The following ANKS1B variants were observed in gnomAD, a reference collection of about 807,000 sequenced individuals.
ANKS1B encodes ankyrin repeat and sterile alpha motif domain containing 1B, also known as ankyrin repeat and sterile alpha motif domain-containing protein 1B.
A neutral mutation model predicts 148.3 loss-of-function variants in ANKS1B; 36 were observed. That is an observed-to-expected ratio of 0.24 (90% CI 0.19 to 0.32). The LOEUF (loss-of-function observed/expected upper bound fraction) is 0.32. Among genes scored for constraint, ANKS1B ranks in the 10% least tolerant of loss-of-function variants. ANKS1B has a pLI of 1.00. For missense variants in ANKS1B, 1,157 were observed against 1,542.6 expected (o/e 0.75, Z 4.19); for synonymous variants, 542 against 560.8 (o/e 0.97, Z 0.47).
At chr12:99,938,594 G>C (rs191097250) in intron 1 of ANKS1B, among the ~76,000 whole-genome samples, 40 of 152,280 alleles carry the variant, frequency 2.6e-4, no homozygotes, top group Admixed American at 2.2e-3. Context: ...GTAAACTCAA[G>C]TATTCTGAAC....
chr12:98,773,787 C>G (rs1484531481), intron 24 of ANKS1B, among the ~76,000 whole-genome samples: 1 of 152,160 alleles, frequency 6.6e-6, no homozygotes, highest in Non-Finnish European at 1.5e-5. Context: ...AATTACTAAG[C>G]ATTTGACTGT....
intron 9 of ANKS1B, among the ~76,000 whole-genome samples, chr12:99,599,143 A>G (rs1285475715): frequency 6.6e-6 from 1 of 152,030 alleles, no homozygotes; most frequent in Non-Finnish European, 1.5e-5. Flanking sequence ...ATCCAGGACA[A>G]TCTCCCATCT....
chr12:99,832,432 AC>A (rs1259750996), intron 1 of ANKS1B, among the ~76,000 whole-genome samples: 1 of 152,060 alleles, frequency 6.6e-6, no homozygotes, highest in African/African-American at 2.4e-5. Context: ...TACTAAAAAT[AC>A]CAAAAATTAG....
Position 99,779,832 on chromosome 12 carries a change from A to G in ANKS1B, c.847+39T>C, listed in dbSNP as rs747782892. 4.7e-6 allele frequency: 7 copies of G among 1,481,280 alleles called. No individual in the cohort carries two copies. The African/African-American group carries it at 9.7e-5, about 21-fold the overall frequency. The allele number at this position is 1,481,280 out of a possible 1,614,324, so 91.8% of individuals were successfully genotyped here. ...CTGTAACAGTTTTAATCTCATCTTA[A>G]CTTTAAGGCAAACTCATCCATCATT... On this transcript the variant is annotated intron_variant, in intron 6 of 26. Coordinates refer to ENST00000683438, the MANE Select transcript of ANKS1B (RefSeq NM_001352186.2).
At chr12:99,723,660 C>T (rs552329499) in intron 8 of ANKS1B, among the ~76,000 whole-genome samples, 33 of 152,264 alleles carry the variant, frequency 2.2e-4, no homozygotes, top group Middle Eastern at 3.4e-3. Flanking sequence ...CTTCATTAAA[C>T]GGGTCCTGCT....
At chr12:99,285,519 G>T (rs754583049) in intron 12 of ANKS1B, among the ~76,000 whole-genome samples, 1 of 152,158 alleles carries the variant, frequency 6.6e-6, no homozygotes. Flanking sequence ...GAAGCAAAAT[G>T]ACTGAATAGA....
At chr12:99,732,778 T>G (rs983333427) in intron 8 of ANKS1B, among the ~76,000 whole-genome samples, 1 of 152,178 alleles carries the variant, frequency 6.6e-6, no homozygotes, top group African/African-American at 2.4e-5. Flanking sequence ...AGCAATGTAT[T>G]AAATAGTTTA....
At chr12:99,471,590 A>G (rs915193166) in intron 10 of ANKS1B, among the ~76,000 whole-genome samples, 1 of 152,010 alleles carries the variant, frequency 6.6e-6, no homozygotes, top group African/African-American at 2.4e-5. Context: ...TCACTGATCA[A>G]TGTGTCAGTA....
intron 17 of ANKS1B, among the ~76,000 whole-genome samples, chr12:99,049,306 G>GCACA (rs148702495): frequency 1.5e-4 from 22 of 148,356 alleles, no homozygotes; most frequent in Non-Finnish European, 2.5e-4. Context: ...ATGTACACAC[G>GCACA]CACACACACA....
intron 14 of ANKS1B, among the ~76,000 whole-genome samples, chr12:99,189,443 A>G (rs944608936): frequency 6.6e-6 from 1 of 152,222 alleles, no homozygotes; most frequent in African/African-American, 2.4e-5. Flanking sequence ...AAAAATCCTC[A>G]ATAAAACACT....
chr12:99,001,730 T>C (rs1194051190), intron 17 of ANKS1B, among the ~76,000 whole-genome samples: 1 of 152,186 alleles, frequency 6.6e-6, no homozygotes, highest in Non-Finnish European at 1.5e-5. Flanking sequence ...GTAATTATCA[T>C]GCTGTACTAA....
chr12:99,904,398 G>C (rs896800664), intron 1 of ANKS1B, among the ~76,000 whole-genome samples: 3 of 151,870 alleles, frequency 2.0e-5, no homozygotes, highest in African/African-American at 7.3e-5. Context: ...CACCATGTTG[G>C]CCATGCTGGT....
chr12:99,500,757 T>C (rs1479000572), intron 10 of ANKS1B, among the ~76,000 whole-genome samples: 1 of 152,210 alleles, frequency 6.6e-6, no homozygotes, highest in African/African-American at 2.4e-5. Context: ...ACTCTTCACT[T>C]GTCTACCTCT....
At chr12:99,154,184 A>G (rs1384636835) in intron 15 of ANKS1B, 105 bp downstream of exon 15, 1 of 1,413,352 alleles carries the variant, frequency 7.1e-7, no homozygotes, top group African/African-American at 1.4e-5. Context: ...ACATATATAA[A>G]TCTGACCAGT....
At chr12:98,914,118 C>T (rs945940539) in intron 17 of ANKS1B, among the ~76,000 whole-genome samples, 17 of 152,090 alleles carry the variant, frequency 1.1e-4, no homozygotes, top group South Asian at 6.3e-4. Flanking sequence ...TGGATCATGG[C>T]GGCGGATCCC....
intron 15 of ANKS1B, among the ~76,000 whole-genome samples, chr12:99,120,235 T>C (rs977577748): frequency 6.6e-6 from 1 of 152,140 alleles, no homozygotes; most frequent in Non-Finnish European, 1.5e-5. Context: ...AGAAAACCCA[T>C]GCAGTCATGG....
intron 11 of ANKS1B, among the ~76,000 whole-genome samples, chr12:99,411,497 A>G (rs1315557479): frequency 6.6e-6 from 1 of 152,228 alleles, no homozygotes; most frequent in African/African-American, 2.4e-5. Context: ...TATAGTGAAT[A>G]GCACCGCAAT....
chr12:98,765,038 T>C (rs991819635), intron 25 of ANKS1B, among the ~76,000 whole-genome samples: 18 of 152,202 alleles, frequency 1.2e-4, no homozygotes, highest in African/African-American at 4.1e-4. Flanking sequence ...AACAAACATA[T>C]GTCGTGAATC....
chr12:99,342,118 A>G (rs1182259135), intron 12 of ANKS1B, among the ~76,000 whole-genome samples: 1 of 152,100 alleles, frequency 6.6e-6, no homozygotes, highest in East Asian at 1.9e-4. Context: ...ATAGTTCCTG[A>G]TATCATGGAG....
Sources: gnomAD v4.1 joint callset for allele counts (sites outside exome capture counted in the v4.1 genomes callset) on GRCh38, gnomAD v4.1.1 for gene constraint, MANE v1.5 for transcripts, NCBI Gene and HGNC (gene_info 2026-07-23, HGNC 2026-07-21) for gene names.